ATL2: variants seen among roughly 807,000 people sequenced by gnomAD.
ATL2 encodes the protein atlastin GTPase 2.
In ATL2, 31 loss-of-function variants were observed where a neutral mutation model predicts 73.9. The ratio of observed to expected loss-of-function variants is 0.42; its 90% confidence interval spans 0.32 to 0.57. The LOEUF (loss-of-function observed/expected upper bound fraction) is 0.57. Among genes scored for constraint, ATL2 ranks in the 20% least tolerant of loss-of-function variants. The pLI is 0.14. For missense variants in ATL2, 738 were observed against 702.6 expected (o/e 1.05, Z -0.57); for synonymous variants, 291 against 237.5 (o/e 1.23, Z -2.07).
At chr2:38,319,128 CA>C (rs111877064) in intron 2 of ATL2, 109 bp from the exon 3 acceptor site, 151 of 1,150,692 alleles carry the variant, frequency 1.3e-4, no homozygotes, top group South Asian at 3.1e-4. Context: ...CCCGGAAAGA[CA>C]AAAAAAACAC....
At chr2:38,345,064 C>A (rs997914601) in intron 1 of ATL2, among the ~76,000 whole-genome samples, 7 of 152,146 alleles carry the variant, frequency 4.6e-5, no homozygotes, top group Non-Finnish European at 4.4e-5. Flanking sequence ...AGGACACATA[C>A]CTTGTCTGAC....
chr2:38,341,102 G>C lies in ATL2; in HGVS notation c.363+2166C>G, dbSNP rs564684976. ...ACTTATCTGTCATTCCTAGATAAGT[G>C]ATCTAAGCTTCCCTCCCCTTCTAAC... is the stretch of plus-strand genomic sequence containing the variant. On this transcript the variant is annotated intron_variant, in intron 2 of 12. Coordinates refer to ENST00000378954, the MANE Select transcript of ATL2 (RefSeq NM_001135673.4). 2.0e-5 allele frequency among the ~76,000 whole-genome samples: 3 copies of C among 152,288 alleles called. No individual in the cohort carries two copies. The South Asian group carries it at 6.2e-4, about 32-fold the overall frequency.
chr2:38,332,630 C>G (rs1438285817), intron 2 of ATL2, among the ~76,000 whole-genome samples: 1 of 152,136 alleles, frequency 6.6e-6, no homozygotes, highest in Non-Finnish European at 1.5e-5. Flanking sequence ...CTCAGTAACA[C>G]TGTTAAAGGA....
intron 1 of ATL2, among the ~76,000 whole-genome samples, chr2:38,371,472 G>T (rs948054118): frequency 6.6e-6 from 1 of 152,026 alleles, no homozygotes; most frequent in Non-Finnish European, 1.5e-5. Flanking sequence ...CTGCACTCCA[G>T]CCTTGGCAAC....
intron 1 of ATL2, among the ~76,000 whole-genome samples, chr2:38,367,948 T>A (rs1002604535): frequency 2.6e-5 from 4 of 151,302 alleles, no homozygotes; most frequent in African/African-American, 7.3e-5. Context: ...CAACTTTTTT[T>A]TTTTTTTGAG....
At chr2:38,353,145 G>C (rs1020751815) in intron 1 of ATL2, among the ~76,000 whole-genome samples, 2 of 152,218 alleles carry the variant, frequency 1.3e-5, no homozygotes, top group African/African-American at 4.8e-5. Flanking sequence ...CCCAGATGCT[G>C]AATTTAGCAG....
intron 11 of ATL2, among the ~76,000 whole-genome samples, chr2:38,299,033 G>A (rs1265991121): frequency 6.6e-6 from 1 of 152,160 alleles, no homozygotes; most frequent in Non-Finnish European, 1.5e-5. Context: ...AGATATTTCA[G>A]TAGAGTTTAT....
intron 1 of ATL2, among the ~76,000 whole-genome samples, chr2:38,345,613 G>A (rs1161345567): frequency 6.6e-6 from 1 of 152,148 alleles, no homozygotes; most frequent in African/African-American, 2.4e-5. Flanking sequence ...CTGTATCAAT[G>A]GTATATAGCA....
intron 1 of ATL2, among the ~76,000 whole-genome samples, chr2:38,350,554 A>C (rs373600705): frequency 5.4e-4 from 83 of 152,318 alleles, no homozygotes; most frequent in African/African-American, 1.9e-3. Flanking sequence ...CTATGAAAAA[A>C]ACCATTGAAT....
intron 1 of ATL2, among the ~76,000 whole-genome samples, chr2:38,363,379 G>C (rs893001488): frequency 6.9e-6 from 1 of 145,874 alleles, no homozygotes; most frequent in Non-Finnish European, 1.5e-5. Context: ...GTGGGGGGGG[G>C]GGTTATTTAT....
chr2:38,310,555 TACTCC>T, intron 7 of ATL2, 108 bp from the exon 8 acceptor site: 1 of 912,832 alleles, frequency 1.1e-6, no homozygotes. Context: ...ACTCAGATGG[TACTCC>T]TAAGGAGTCT....
At chr2:38,378,364 G>A (rs554628077), upstream of ATL2, among the ~76,000 whole-genome samples, 1 of 152,122 alleles carries the variant, frequency 6.6e-6, no homozygotes, top group East Asian at 1.9e-4. Flanking sequence ...CTCAGCCTCC[G>A]GAGTAGCTGG....
chr2:38,335,320 C>T (rs1157376518), intron 2 of ATL2, among the ~76,000 whole-genome samples: 1 of 151,994 alleles, frequency 6.6e-6, no homozygotes, highest in Non-Finnish European at 1.5e-5. Flanking sequence ...TTATTCATAA[C>T]AGAAAAAAAC....
In ATL2 at chr2:38,377,148, G is replaced by C. The variant is rs557853307; in HGVS notation, c.113C>G (p.Ser38Cys). 1.2e-6 allele frequency: 2 copies of C among 1,610,446 alleles called. No individual in the cohort carries two copies. Among genetic ancestry groups the C allele is most frequent in the Non-Finnish European group, 1.7e-6 (2 of 1,179,324 alleles). The change falls in exon 1 of 13, where the codon TCC becomes TGC. Residue 38 changes from serine (S) to cysteine (C), a missense_variant. Transcript: ENST00000378954. ...AAVNHVSSTT[S>C]LGENYEDDDL... ...TCTGCCTCGCTGGCCCGTACCTAGG[G>C]AGGTCGTGGACGAGACGTGGTTAAC...
At chr2:38,359,816 G>A (rs75670530) in intron 1 of ATL2, among the ~76,000 whole-genome samples, 18,242 of 152,066 alleles carry the variant, frequency 0.12, 3,224 homozygotes, top group African/African-American at 0.39. Context: ...ACCTGAATAT[G>A]TAAGTGTACT....
chr2:38,328,223 C>T (rs1192538115), intron 2 of ATL2, among the ~76,000 whole-genome samples: 5 of 152,166 alleles, frequency 3.3e-5, no homozygotes, highest in Non-Finnish European at 5.9e-5. Context: ...ACAGACAAAT[C>T]CACTATTATA....
intron 1 of ATL2, chr2:38,354,114 C>T: frequency 2.4e-6 from 1 of 410,574 alleles, no homozygotes; most frequent in Non-Finnish European, 4.8e-6. Context: ...ATCACTTGAA[C>T]CCGGGAGGTT....
rs1175924117 is a variant in ATL2 at position 38,356,270 on chromosome 2, G to A, written c.119-12758C>T. ...TTTCACTCTCATCGACCAGGCTGGAGTGCAATGGTGCGATCTCGGCTCAAG... is the reference window on the plus strand; with the variant it reads ...TTTCACTCTCATCGACCAGGCTGGAATGCAATGGTGCGATCTCGGCTCAAG... On this transcript the variant is annotated intron_variant, in intron 1 of 12. Coordinates refer to ENST00000378954, the MANE Select transcript of ATL2 (RefSeq NM_001135673.4). Among the ~76,000 whole-genome samples, 4 of 151,876 alleles carry A rather than the reference G, an allele frequency of 2.6e-5. No homozygotes were observed. In the South Asian group the frequency reaches 8.3e-4, roughly 32 times the overall value.
intron 2 of ATL2, among the ~76,000 whole-genome samples, chr2:38,324,889 T>C (rs1250215155): frequency 6.6e-6 from 1 of 151,824 alleles, no homozygotes; most frequent in Non-Finnish European, 1.5e-5. Flanking sequence ...GGGAGAGAAA[T>C]GGGGAGTTAG....
Sources: allele counts gnomAD v4.1 joint callset (sites outside exome capture counted in the v4.1 genomes callset), GRCh38; gene constraint gnomAD v4.1.1; transcripts MANE v1.5; gene names NCBI Gene and HGNC (gene_info 2026-07-23, HGNC 2026-07-21).